MS4A4E: variants seen among roughly 807,000 people sequenced by gnomAD.
MS4A4E encodes the protein putative membrane-spanning 4-domains subfamily A member 4E.
MS4A4E carries 23 observed loss-of-function variants against 13.3 expected under a neutral mutation model. The ratio of observed to expected loss-of-function variants is 1.73; its 90% CI spans 1.25 to 2.45. The LOEUF (loss-of-function observed/expected upper bound fraction) is 2.45. MS4A4E is among the 30% of genes most tolerant of loss of function. The probability of loss-of-function intolerance (pLI) is 0.00; values close to 1 mark genes in which losing one functional copy is unlikely to be tolerated. For synonymous variants in MS4A4E, 36 were observed against 45.6 expected (o/e 0.79, Z 0.85); for missense variants, 144 against 131.2 (o/e 1.10, Z -0.48).
At chr11:60,215,173 T>C (rs1048237710) in intron 3 of MS4A4E, among the ~76,000 whole-genome samples, 1 of 151,940 alleles carries the variant, frequency 6.6e-6, no homozygotes, top group African/African-American at 2.4e-5. Context: ...TTTATTTCCT[T>C]TACAAATTTG....
At chr11:60,228,744 A>G in intron 2 of MS4A4E, 117 bp from the exon 3 acceptor site, 1 of 499,942 alleles carries the variant, frequency 2.0e-6, no homozygotes, top group Non-Finnish European at 3.5e-6. Context: ...ACAATGAAAT[A>G]TTATTCAGTA....
Position 60,201,822 on chromosome 11 carries a change from G to T in MS4A4E, c.717C>A (p.Ser239=), listed in dbSNP as rs1254792726. ...GGCGGCTGGGAGGTGGAGGTTGTAGGGAGCCGAGATCACGCCACTGCACTC... is the reference window on the plus strand; with the variant it reads ...GGCGGCTGGGAGGTGGAGGTTGTAGTGAGCCGAGATCACGCCACTGCACTC... ...QAGVQWRDLG[S]LQPPPPSRLP... Residue 239 remains serine (S), a synonymous_variant, in exon 9 of 9, where the codon TCC becomes TCA. Transcript: ENST00000651255. The T allele has an allele frequency of 1.3e-5, 3 of 225,392 alleles. No individual in the cohort carries two copies. The highest frequency in any genetic ancestry group is 1.3e-4 in the South Asian group (3 of 22,672). 14.0% of individuals were successfully genotyped at this position (225,392 alleles called of 1,614,324 possible). A position where few individuals can be genotyped will look rare whatever the true frequency, so the allele number is the denominator to read the frequency against.
intron 3 of MS4A4E, chr11:60,224,858 T>C (rs537939925): frequency 2.9e-6 from 3 of 1,031,696 alleles, no homozygotes; most frequent in Non-Finnish European, 2.6e-6. Flanking sequence ...GATACCATTC[T>C]CAAATTTACA....
chr11:60,216,119 C>T (rs1194858439), intron 3 of MS4A4E, among the ~76,000 whole-genome samples: 2 of 151,646 alleles, frequency 1.3e-5, no homozygotes, highest in Non-Finnish European at 2.9e-5. Context: ...AGGTGATGTT[C>T]GGAAAAAAAG....
intron 1 of MS4A4E, among the ~76,000 whole-genome samples, chr11:60,237,047 G>A (rs960004433): frequency 6.6e-6 from 1 of 152,068 alleles, no homozygotes; most frequent in Non-Finnish European, 1.5e-5. Flanking sequence ...TATCACCCAT[G>A]TTTTAAGCCT....
In MS4A4E at chr11:60,214,630, A is replaced by G; in HGVS notation, c.179-16T>C. The G allele has an allele frequency of 6.7e-7, 1 of 1,497,812 alleles. No homozygotes were observed. The highest frequency in any genetic ancestry group is 8.9e-7 in the Non-Finnish European group (1 of 1,122,550). 92.8% of individuals were successfully genotyped at this position (1,497,812 alleles called of 1,614,324 possible). A position where few individuals can be genotyped will look rare whatever the true frequency, so the allele number is the denominator to read the frequency against. On this transcript the variant is annotated splice_polypyrimidine_tract_variant and intron_variant, in intron 3 of 8. Coordinates refer to ENST00000651255, the MANE Select transcript of MS4A4E (RefSeq NM_001393391.1). ...GATAAGGATACTGAAATAATAAAATAAGAATGAGAGAAAAAAATGGAGATA... is the reference window on the plus strand; with the variant it reads ...GATAAGGATACTGAAATAATAAAATGAGAATGAGAGAAAAAAATGGAGATA...
chr11:60,221,630 C>T lies in MS4A4E; in HGVS notation c.178+6964G>A, dbSNP rs11821884. 6.5e-3 allele frequency among the ~76,000 whole-genome samples: 992 copies of T among 152,310 alleles called. 10 individuals carry two copies. The highest frequency in any genetic ancestry group is 0.023 in the African/African-American group (943 of 41,574). On this transcript the variant is annotated intron_variant, in intron 3 of 8. Coordinates refer to ENST00000651255, the MANE Select transcript of MS4A4E (RefSeq NM_001393391.1). ...ATGTTGAGCACTGCACCTCATTGTG[C>T]ACTTTGCTTGGAAGGAGAAATGGCC...
intron 3 of MS4A4E, among the ~76,000 whole-genome samples, chr11:60,217,177 A>G (rs2084206596): frequency 6.6e-6 from 1 of 152,194 alleles, no homozygotes; most frequent in African/African-American, 2.4e-5. Flanking sequence ...GATTGCCCTG[A>G]GTGAGAGTCT....
At chr11:60,217,425 G>GA (rs35690296) in intron 3 of MS4A4E, among the ~76,000 whole-genome samples, 19,787 of 151,738 alleles carry the variant, frequency 0.13, 1,373 homozygotes, top group South Asian at 0.15. Context: ...TTTTTTGCCA[G>GA]AAAAAACAGC....
chr11:60,213,547 C>G (rs1270674458), intron 4 of MS4A4E, among the ~76,000 whole-genome samples: 1 of 152,024 alleles, frequency 6.6e-6, no homozygotes, highest in Non-Finnish European at 1.5e-5. Context: ...ACTTTCTCTT[C>G]TCATGGGTAA....
chr11:60,219,499 A>G (rs2084240021), intron 3 of MS4A4E, among the ~76,000 whole-genome samples: 1 of 152,220 alleles, frequency 6.6e-6, no homozygotes, highest in Non-Finnish European at 1.5e-5. Context: ...CTTAATTTAC[A>G]TAAGCAGAAA....
chr11:60,232,804 A>AC (rs1173253442), intron 1 of MS4A4E, among the ~76,000 whole-genome samples: 6 of 152,132 alleles, frequency 3.9e-5, no homozygotes, highest in African/African-American at 1.4e-4. Flanking sequence ...CTGAGACTTA[A>AC]CCACCACTAC....
chr11:60,208,099 C>T (rs2084070707), intron 6 of MS4A4E, among the ~76,000 whole-genome samples: 1 of 152,174 alleles, frequency 6.6e-6, no homozygotes, highest in Non-Finnish European at 1.5e-5. Context: ...TCTAAGGTGA[C>T]ACTCACTGAC....
At chr11:60,215,304 C>T (rs1590711330) in intron 3 of MS4A4E, among the ~76,000 whole-genome samples, 1 of 151,530 alleles carries the variant, frequency 6.6e-6, no homozygotes, top group Non-Finnish European at 1.5e-5. Context: ...ATCTAAATCA[C>T]CATTGGAAAA....
At chr11:60,242,515 T>G (rs1009165373) in intron 1 of MS4A4E, among the ~76,000 whole-genome samples, 3 of 152,184 alleles carry the variant, frequency 2.0e-5, no homozygotes, top group Admixed American at 6.5e-5. Context: ...GTACACCAAA[T>G]TCTGCACGTG....
At chr11:60,228,290 A>T (rs1489083306) in intron 3 of MS4A4E, among the ~76,000 whole-genome samples, 40 of 152,238 alleles carry the variant, frequency 2.6e-4, no homozygotes, top group Admixed American at 2.4e-3. Context: ...AAAAACTTTA[A>T]TAAGACACCT....
Position 60,230,027 on chromosome 11 carries a change from G to T in MS4A4E, c.29C>A (p.Thr10Asn). 6.2e-7 allele frequency: 1 copy of T among 1,609,850 alleles called. No homozygotes were observed. Among genetic ancestry groups the T allele is most frequent in the South Asian group, 1.1e-5 (1 of 90,242 alleles). MTTMQGMEQ[T>N]TPGAGPDVPQ... ...CACATCAGGGCCAGCCCCTGGAGTG[G>T]TCTGTTCCATTCCTTGCATGGTTGT... Residue 10 changes from threonine to asparagine, a missense_variant, in exon 2 of 9, where the codon ACC becomes AAC. Physicochemically the swap from Thr to Asn is moderately conservative, Grantham distance 65. Coordinates refer to ENST00000651255, the MANE Select transcript of MS4A4E (RefSeq NM_001393391.1).
chr11:60,202,611 A>C (rs1454334629), intron 8 of MS4A4E, among the ~76,000 whole-genome samples: 1 of 152,220 alleles, frequency 6.6e-6, no homozygotes, highest in Non-Finnish European at 1.5e-5. Context: ...CATCAAAGCC[A>C]CTAAGTGACC....
chr11:60,201,437 G>A lies in MS4A4E; in HGVS notation c.*106C>T, dbSNP rs189902932. On this transcript the variant is annotated 3_prime_UTR_variant, in exon 9 of 9. Transcript: ENST00000651255. ...GAGGGTCTCCTCCCTTCTCAGATGG[G>A]GCGGCTGGGCAGAGACGCTCCTCAC... is the stretch of plus-strand genomic sequence containing the variant. 7.8e-3 allele frequency: 1,632 copies of A among 209,390 alleles called. 15 individuals are homozygous for A. The highest frequency in any genetic ancestry group is 0.036 in the Middle Eastern group (19 of 534). 13.0% of individuals were successfully genotyped at this position (209,390 alleles called of 1,614,324 possible).
Sources: allele counts gnomAD v4.1 joint callset (sites outside exome capture counted in the v4.1 genomes callset), GRCh38; gene constraint gnomAD v4.1.1; transcripts MANE v1.5; gene names NCBI Gene and HGNC (gene_info 2026-07-23, HGNC 2026-07-21).